CCDC91: variants seen among roughly 807,000 people sequenced by gnomAD.
The protein encoded by CCDC91 is coiled-coil domain containing 91.
CCDC91 carries 48 observed loss-of-function variants against 63.2 expected under a neutral mutation model. The ratio of observed to expected loss-of-function variants is 0.76; its 90% CI spans 0.60 to 0.97. CCDC91 has a LOEUF of 0.97. Among genes scored for constraint, CCDC91 ranks in the 50% least tolerant of loss-of-function variants. The pLI is 0.00. For missense variants in CCDC91, 500 were observed against 494.6 expected (o/e 1.01, Z -0.10); for synonymous variants, 167 against 165.8 (o/e 1.01, Z -0.06).
At chr12:28,360,293 A>G (rs1254671607) in intron 6 of CCDC91, among the ~76,000 whole-genome samples, 2 of 152,248 alleles carry the variant, frequency 1.3e-5, no homozygotes, top group African/African-American at 2.4e-5. Context: ...GGAATTGATG[A>G]AAAAGGAAGT....
rs747928267 is a variant in CCDC91 at position 28,259,408 on chromosome 12, A to G, written c.75A>G (p.Thr25=). The change falls in exon 3 of 13, where the codon ACA becomes ACG. Residue 25 remains threonine, a synonymous_variant. Transcript: ENST00000536442. ...GTGGAAGTGGTGAAACCCAAACAAC[A>G]TCTCCTGCTATTCCTTGGGCTGCCT... is the stretch of plus-strand genomic sequence containing the variant. ...FDGGSGETQT[T]SPAIPWAAFP... 7.0e-5 allele frequency: 112 copies of G among 1,610,422 alleles called. No homozygotes were observed. Among genetic ancestry groups the G allele is most frequent in the Non-Finnish European group, 9.5e-5 (112 of 1,178,196 alleles).
At chr12:28,427,946 A>C (rs1279678830) in intron 8 of CCDC91, among the ~76,000 whole-genome samples, 1 of 152,198 alleles carries the variant, frequency 6.6e-6, no homozygotes, top group East Asian at 1.9e-4. Context: ...TTTCTTACAA[A>C]TAAGACCAGT....
chr12:28,475,516 TTCC>T (rs1406227434), intron 11 of CCDC91, among the ~76,000 whole-genome samples: 2 of 152,098 alleles, frequency 1.3e-5, no homozygotes, highest in Non-Finnish European at 2.9e-5. Context: ...TTGTAGCTCC[TTCC>T]TAGTAAATTA....
intron 12 of CCDC91, among the ~76,000 whole-genome samples, chr12:28,512,533 G>A (rs1478456173): frequency 4.6e-5 from 7 of 151,850 alleles, no homozygotes; most frequent in East Asian, 1.9e-4. Flanking sequence ...CAGTTTGCCC[G>A]GTGTTTTCTT....
chr12:28,372,269 A>C (rs1304950712), intron 7 of CCDC91, among the ~76,000 whole-genome samples: 1 of 152,190 alleles, frequency 6.6e-6, no homozygotes, highest in East Asian at 1.9e-4. Context: ...AATTCGGTAA[A>C]TATGCTTCCA....
intron 11 of CCDC91, 44 bp downstream of exon 11, chr12:28,452,698 T>G: frequency 8.8e-7 from 1 of 1,139,954 alleles, no homozygotes; most frequent in Non-Finnish European, 1.2e-6. Context: ...TTTTTCTCAT[T>G]TTTCTCAAAA....
At chr12:28,307,267 C>T (rs570402035) in intron 5 of CCDC91, among the ~76,000 whole-genome samples, 5 of 151,978 alleles carry the variant, frequency 3.3e-5, no homozygotes, top group South Asian at 4.2e-4. Context: ...CAACTTTTCC[C>T]TATGGGAAGT....
chr12:28,291,821 T>C (rs1442929035), intron 3 of CCDC91, among the ~76,000 whole-genome samples: 1 of 152,174 alleles, frequency 6.6e-6, no homozygotes, highest in Non-Finnish European at 1.5e-5. Flanking sequence ...GCTAAATGAC[T>C]GTAGAATGGT....
intron 3 of CCDC91, among the ~76,000 whole-genome samples, chr12:28,267,712 TA>T (rs1947297950): frequency 1.8e-5 from 2 of 108,272 alleles, no homozygotes; most frequent in East Asian, 2.5e-4. Flanking sequence ...TATAATTATA[TA>T]ATTATATATA....
chr12:28,524,090 T>A (rs1941026363), intron 12 of CCDC91, among the ~76,000 whole-genome samples: 1 of 152,102 alleles, frequency 6.6e-6, no homozygotes, highest in African/African-American at 2.4e-5. Context: ...CCCATCAGAC[T>A]AACAGTGGAT....
At chr12:28,415,467 G>A (rs1947592994) in intron 8 of CCDC91, among the ~76,000 whole-genome samples, 1 of 152,104 alleles carries the variant, frequency 6.6e-6, no homozygotes, top group Non-Finnish European at 1.5e-5. Context: ...TGATCCGCCT[G>A]CCTCAGCCTC....
chr12:28,351,762 T>C (rs924037274), intron 6 of CCDC91, among the ~76,000 whole-genome samples: 2 of 152,168 alleles, frequency 1.3e-5, no homozygotes, highest in Non-Finnish European at 2.9e-5. Flanking sequence ...CTCAGCAGTC[T>C]GACAGTCATT....
intron 11 of CCDC91, among the ~76,000 whole-genome samples, chr12:28,465,531 T>C (rs1950508977): frequency 6.6e-6 from 1 of 152,184 alleles, no homozygotes; most frequent in Admixed American, 6.5e-5. Flanking sequence ...AATCTCTGCC[T>C]TGTAGTTTGG....
intron 8 of CCDC91, among the ~76,000 whole-genome samples, chr12:28,419,052 G>C (rs1344551820): frequency 9.9e-5 from 15 of 151,916 alleles, no homozygotes; most frequent in African/African-American, 3.6e-4. Context: ...TTTTTTGTCA[G>C]ATATTCTACG....
intron 1 of CCDC91, among the ~76,000 whole-genome samples, chr12:28,247,872 G>C (rs1304316134): frequency 4.6e-5 from 7 of 152,168 alleles, no homozygotes; most frequent in Non-Finnish European, 1.0e-4. Flanking sequence ...ATTCTCCTAA[G>C]GAGCACACAG....
intron 1 of CCDC91, among the ~76,000 whole-genome samples, chr12:28,218,739 ATG>A (rs962488267): frequency 6.7e-6 from 1 of 149,952 alleles, no homozygotes; most frequent in South Asian, 2.1e-4. Context: ...GTATGTATGT[ATG>A]TGTGTGTGTA....
intron 12 of CCDC91, among the ~76,000 whole-genome samples, chr12:28,517,938 G>A (rs1459836636): frequency 1.3e-5 from 2 of 151,846 alleles, no homozygotes; most frequent in African/African-American, 4.8e-5. Context: ...TCTCTGGTCC[G>A]ATTCAGATTG....
intron 1 of CCDC91, among the ~76,000 whole-genome samples, chr12:28,214,838 A>G (rs751327471): frequency 6.6e-6 from 1 of 152,074 alleles, no homozygotes; most frequent in Non-Finnish European, 1.5e-5. Flanking sequence ...TATTTTCTTT[A>G]TTTGGAGACT....
At chr12:28,298,439 C>G (rs1380261469) in intron 3 of CCDC91, among the ~76,000 whole-genome samples, 1 of 149,542 alleles carries the variant, frequency 6.7e-6, no homozygotes, top group Non-Finnish European at 1.5e-5. Context: ...CTTTTCCTAT[C>G]CTATTAACTC....
Sources: allele counts gnomAD v4.1 joint callset (sites outside exome capture counted in the v4.1 genomes callset), GRCh38; gene constraint gnomAD v4.1.1; transcripts MANE v1.5; gene names NCBI Gene and HGNC (gene_info 2026-07-23, HGNC 2026-07-21).